The following TMPRSS15 variants were observed in gnomAD, a reference collection of about 807,000 sequenced individuals.
TMPRSS15 encodes the protein transmembrane serine protease 15.
A neutral mutation model predicts 125.3 loss-of-function variants in TMPRSS15; 128 were observed. The ratio of observed to expected loss-of-function variants is 1.02; its 90% CI spans 0.89 to 1.18. The LOEUF (loss-of-function observed/expected upper bound fraction) is 1.18. Among genes scored for constraint, TMPRSS15 ranks in the 50% most tolerant of loss-of-function variants. The pLI is 0.00. For synonymous variants in TMPRSS15, 446 were observed against 423.2 expected, an observed-to-expected ratio of 1.05 and a Z score of -0.66; for missense variants, 1,283 against 1,212.7, an observed-to-expected ratio of 1.06 and a Z score of -0.86.
In TMPRSS15 at chr21:18,323,114, TTTCTC is replaced by T. The variant is rs547286238; in HGVS notation, c.1921+3313_1921+3317del. 2.4e-3 allele frequency among the ~76,000 whole-genome samples: 358 copies of T among 152,280 alleles called. 1 individual carries two copies. The highest frequency in any genetic ancestry group is 8.0e-3 in the African/African-American group (334 of 41,548). On this transcript the variant is annotated intron_variant, in intron 16 of 24. Transcript: ENST00000284885. The stretch of plus-strand genomic sequence containing the variant: ...AATCCATTTTCCTCTTTTCAAGTCT[TTTCTC>T]CTTTCTCATTTTCAACTTAAAATAG...
intron 1 of TMPRSS15, among the ~76,000 whole-genome samples, chr21:18,448,535 A>G (rs1432252952): frequency 6.6e-6 from 1 of 152,162 alleles, no homozygotes; most frequent in Non-Finnish European, 1.5e-5. Flanking sequence ...GATGCATACC[A>G]TATTTTGAAA....
Position 18,413,316 on chromosome 21 carries a change from C to CT in TMPRSS15, c.11-14988dup, listed in dbSNP as rs1569064053. On this transcript the variant is annotated intron_variant, in intron 1 of 7. Coordinates refer to the TMPRSS15 transcript ENST00000422787. ...TCTTTTCTTTCTTTTCTTTCTTTTC[C>CT]TTCCTTCCTTCCTTCCTTCCTTCCT... Among the ~76,000 whole-genome samples the CT allele has an allele frequency of 3.1e-3, 149 of 48,744 alleles. 3 individuals are homozygous for CT. Among genetic ancestry groups the CT allele is most frequent in the Non-Finnish European group, 2.6e-3 (68 of 26,422 alleles). The allele number at this position is 48,744 out of a possible 152,430, so 32.0% of individuals were successfully genotyped here.
intron 6 of TMPRSS15, among the ~76,000 whole-genome samples, chr21:18,366,469 A>C (rs1277292855): frequency 2.0e-5 from 3 of 152,102 alleles, no homozygotes; most frequent in Admixed American, 6.6e-5. Flanking sequence ...TCTCTCCTTA[A>C]TGTCATGCAT....
At chr21:18,484,007 G>A (rs559314749) in intron 1 of TMPRSS15, among the ~76,000 whole-genome samples, 29 of 151,774 alleles carry the variant, frequency 1.9e-4, no homozygotes, top group African/African-American at 6.5e-4. Flanking sequence ...TACATTACTA[G>A]GTGCCCTCTT....
chr21:18,417,273 GGGTAAGAAA>G (rs2076182591), intron 1 of TMPRSS15, among the ~76,000 whole-genome samples: 1 of 152,120 alleles, frequency 6.6e-6, no homozygotes, highest in East Asian at 1.9e-4. Flanking sequence ...TACTCTGTGA[GGGTAAGAAA>G]GCAACAATTA....
At chr21:18,373,160 T>C (rs1229117238) in intron 5 of TMPRSS15, among the ~76,000 whole-genome samples, 4 of 152,068 alleles carry the variant, frequency 2.6e-5, no homozygotes, top group Non-Finnish European at 4.4e-5. Flanking sequence ...ATCTGCTGGG[T>C]TTTCAAAATA....
At chr21:18,395,889 G>A (rs1029378370) in intron 3 of TMPRSS15, among the ~76,000 whole-genome samples, 3 of 152,080 alleles carry the variant, frequency 2.0e-5, no homozygotes, top group African/African-American at 7.2e-5. Flanking sequence ...TTTATAGGTC[G>A]CAGTGTCTTG....
intron 10 of TMPRSS15, among the ~76,000 whole-genome samples, chr21:18,349,640 T>C (rs926394572): frequency 7.2e-5 from 11 of 152,272 alleles, no homozygotes; most frequent in African/African-American, 2.6e-4. Context: ...TGGAGAGGAA[T>C]GACTGGTTGA....
At chr21:18,324,121 C>T (rs959900209) in intron 16 of TMPRSS15, among the ~76,000 whole-genome samples, 3 of 151,880 alleles carry the variant, frequency 2.0e-5, no homozygotes, top group Non-Finnish European at 2.9e-5. Context: ...TAAGACTTCA[C>T]GATTTTTCAG....
intron 6 of TMPRSS15, among the ~76,000 whole-genome samples, chr21:18,371,174 C>G (rs900463623): frequency 2.0e-5 from 3 of 152,050 alleles, no homozygotes; most frequent in African/African-American, 7.2e-5. Context: ...TACATACACA[C>G]CTACCATAGG....
intron 1 of TMPRSS15, among the ~76,000 whole-genome samples, chr21:18,420,962 A>G (rs2076190895): frequency 6.6e-6 from 1 of 152,212 alleles, no homozygotes; most frequent in Admixed American, 6.5e-5. Flanking sequence ...ATCACTCTAG[A>G]TTTATTAAAT....
intron 18 of TMPRSS15, among the ~76,000 whole-genome samples, chr21:18,305,742 C>A (rs1001471093): frequency 2.0e-5 from 3 of 152,176 alleles, no homozygotes; most frequent in Non-Finnish European, 4.4e-5. Flanking sequence ...TGCCTTCCCC[C>A]ACCCTGCTAG....
chr21:18,371,703 C>G (rs917994413), intron 6 of TMPRSS15, among the ~76,000 whole-genome samples: 2 of 151,972 alleles, frequency 1.3e-5, no homozygotes, highest in Non-Finnish European at 2.9e-5. Context: ...ATAAAAGGAA[C>G]AGTCAAAATT....
chr21:18,315,416 A>G, intron 16 of TMPRSS15, among the ~76,000 whole-genome samples, 160 bp from the exon 17 acceptor site: 1 of 133,956 alleles, frequency 7.5e-6, no homozygotes, highest in East Asian at 2.3e-4. Context: ...TGGGTGCAGC[A>G]CACCAACATG....
At chr21:18,270,387 G>A (rs1217139841) in intron 24 of TMPRSS15, among the ~76,000 whole-genome samples, 1 of 152,034 alleles carries the variant, frequency 6.6e-6, no homozygotes, top group East Asian at 1.9e-4. Flanking sequence ...ACTTTAATTA[G>A]GCATTTTGGT....
At chr21:18,342,651 T>C (rs1339251334) in intron 12 of TMPRSS15, among the ~76,000 whole-genome samples, 5 of 151,976 alleles carry the variant, frequency 3.3e-5, no homozygotes, top group Non-Finnish European at 5.9e-5. Flanking sequence ...CTTACCCTTC[T>C]CTGAATTATC....
chr21:18,309,115 G>T (rs531008293), intron 18 of TMPRSS15, among the ~76,000 whole-genome samples: 1 of 152,168 alleles, frequency 6.6e-6, no homozygotes, highest in African/African-American at 2.4e-5. Flanking sequence ...CCCAGTAATG[G>T]GATTGCTGGG....
At chr21:18,332,665 C>G (rs1370556535) in intron 13 of TMPRSS15, among the ~76,000 whole-genome samples, 2 of 152,082 alleles carry the variant, frequency 1.3e-5, no homozygotes, top group Non-Finnish European at 2.9e-5. Flanking sequence ...ATTAGTTAAA[C>G]TATGTGGAAG....
intron 21 of TMPRSS15, 60 bp downstream of exon 21, chr21:18,294,210 G>T: frequency 6.2e-7 from 1 of 1,601,660 alleles, no homozygotes; most frequent in Non-Finnish European, 8.5e-7. Context: ...GAAATGGGAC[G>T]CTTGGCAGTG....
Sources: allele counts gnomAD v4.1 joint callset (sites outside exome capture counted in the v4.1 genomes callset), GRCh38; gene constraint gnomAD v4.1.1; transcripts MANE v1.5; gene names NCBI Gene and HGNC (gene_info 2026-07-23, HGNC 2026-07-21).